Variants in FNDC3A observed in about 807,000 individuals in gnomAD.
FNDC3A encodes fibronectin type III domain containing 3A.
Under a neutral mutation model 148.9 loss-of-function variants are expected in FNDC3A, and 32 were observed. The observed-to-expected ratio is 0.21, with a 90% CI of 0.16 to 0.29. The LOEUF is 0.29. FNDC3A is among the 10% of genes least tolerant of loss of function. The pLI is 1.00. For missense variants in FNDC3A, 1,191 were observed against 1,452.8 expected (o/e 0.82, Z 2.93); for synonymous variants, 472 against 473.6 (o/e 1.00, Z 0.04).
chr13:49,157,973 T>G (rs1455440915), intron 8 of FNDC3A, among the ~76,000 whole-genome samples: 2 of 150,034 alleles, frequency 1.3e-5, no homozygotes, highest in Non-Finnish European at 3.0e-5. Flanking sequence ...GCTGTCTTTT[T>G]GTTTGTCTGT....
At chr13:49,204,662 G>A (rs550816505) in intron 25 of FNDC3A, among the ~76,000 whole-genome samples, 1 of 152,262 alleles carries the variant, frequency 6.6e-6, no homozygotes, top group African/African-American at 2.4e-5. Flanking sequence ...AAAGGAAATA[G>A]GGATTCCACA....
At chr13:49,043,452 AG>A (rs989464058) in intron 2 of FNDC3A, among the ~76,000 whole-genome samples, 7 of 152,264 alleles carry the variant, frequency 4.6e-5, no homozygotes, top group African/African-American at 1.7e-4. Flanking sequence ...TTAAATTGTT[AG>A]GTGCAGTGTT....
rs1952473517 is a variant in FNDC3A, at chr13:49,015,349, CT to C, written c.99+9061del. ...AAGTTGGATTCCTAGGTATTTTATT[CT>C]CTTTGAAGCAATAGTGAATGGGAGT... On this transcript the variant is annotated intron_variant, in intron 2 of 25. Transcript: ENST00000492622. Among the ~76,000 whole-genome samples, 2 of 152,120 alleles carry C rather than the reference CT, an allele frequency of 1.3e-5. 1 individual carries two copies.
intron 2 of FNDC3A, among the ~76,000 whole-genome samples, chr13:49,028,337 C>T (rs1014350004): frequency 6.6e-6 from 1 of 151,954 alleles, no homozygotes; most frequent in African/African-American, 2.4e-5. Context: ...TAGCCCTGAG[C>T]TCAAGTGATT....
intron 11 of FNDC3A, among the ~76,000 whole-genome samples, chr13:49,172,782 G>A (rs1409300530): frequency 6.6e-6 from 1 of 152,128 alleles, no homozygotes; most frequent in Non-Finnish European, 1.5e-5. Context: ...TATATTCACA[G>A]GTTCAGGGGA....
intron 3 of FNDC3A, among the ~76,000 whole-genome samples, chr13:49,103,124 C>T (rs113558864): frequency 7.2e-5 from 11 of 152,098 alleles, no homozygotes; most frequent in Admixed American, 2.6e-4. Flanking sequence ...TAATTATTTC[C>T]AGTTTACATG....
At chr13:49,198,922 G>A (rs930671798) in intron 23 of FNDC3A, among the ~76,000 whole-genome samples, 3 of 152,136 alleles carry the variant, frequency 2.0e-5, no homozygotes, top group South Asian at 4.1e-4. Flanking sequence ...GTGGGCTACT[G>A]TTTGGTTGTT....
At chr13:49,045,766 T>A in intron 2 of FNDC3A, 1 of 611,066 alleles carries the variant, frequency 1.6e-6, no homozygotes, top group Non-Finnish European at 2.8e-6. Context: ...TTTGACAGCA[T>A]AGCATCTGAT....
At chr13:49,150,236 G>A (rs1201201132) in intron 8 of FNDC3A, among the ~76,000 whole-genome samples, 3 of 151,634 alleles carry the variant, frequency 2.0e-5, no homozygotes, top group Admixed American at 2.0e-4. Flanking sequence ...ACTGCACCTG[G>A]CTGTCTGCTC....
chr13:49,011,333 A>G (rs1952340212), intron 2 of FNDC3A, among the ~76,000 whole-genome samples: 1 of 151,986 alleles, frequency 6.6e-6, no homozygotes, highest in South Asian at 2.1e-4. Context: ...TCCCAGGTTC[A>G]AGTGATTCTC....
intron 1 of FNDC3A, among the ~76,000 whole-genome samples, chr13:49,002,059 C>G (rs1161877926): frequency 6.6e-6 from 1 of 152,164 alleles, no homozygotes; most frequent in Non-Finnish European, 1.5e-5. Flanking sequence ...CTTTTGTACT[C>G]TGTCCTTTTA....
intron 5 of FNDC3A, among the ~76,000 whole-genome samples, chr13:49,135,920 T>C (rs755863768): frequency 3.3e-5 from 5 of 152,224 alleles, no homozygotes; most frequent in African/African-American, 4.8e-5. Context: ...GGCAGTGGTT[T>C]TCTTTTTACC....
At chr13:49,042,675 G>A (rs1046153525) in intron 2 of FNDC3A, among the ~76,000 whole-genome samples, 1 of 152,140 alleles carries the variant, frequency 6.6e-6, no homozygotes. Context: ...TACTTGGGTG[G>A]CTGAGGTGGG....
intron 2 of FNDC3A, among the ~76,000 whole-genome samples, chr13:49,013,572 A>G (rs577154082): frequency 5.3e-5 from 8 of 151,686 alleles, no homozygotes; most frequent in African/African-American, 1.2e-4. Flanking sequence ...ACGTGTATAC[A>G]TGTACATGTG....
At position 49,064,383 on chromosome 13, in the gene FNDC3A, A is replaced by G. The variant is rs1312296708; in HGVS notation, c.100-10906A>G. Among the ~76,000 whole-genome samples the G allele has an allele frequency of 4.2e-5, 6 of 141,904 alleles. No individual in the cohort carries two copies. In the East Asian group the frequency reaches 6.6e-4, roughly 16 times the overall value. 93.1% of individuals were successfully genotyped at this position (141,904 alleles called of 152,430 possible). A position where few individuals can be genotyped will look rare whatever the true frequency, so the allele number is the denominator to read the frequency against. On this transcript the variant is annotated intron_variant, in intron 2 of 25. Coordinates refer to ENST00000492622, the MANE Select transcript of FNDC3A (RefSeq NM_001079673.2). ...TGGAAAAAGAAGATTGCTGATAAAT[A>G]TAGAAATATTGCCCCCCGCCCCCCC...
At chr13:49,118,016 G>C (rs1411616717) in intron 4 of FNDC3A, among the ~76,000 whole-genome samples, 1 of 152,100 alleles carries the variant, frequency 6.6e-6, no homozygotes, top group East Asian at 1.9e-4. Context: ...CTTCCTGGAA[G>C]GATTATGTGA....
At chr13:49,075,719 T>C (rs555635234) in intron 3 of FNDC3A, among the ~76,000 whole-genome samples, 1 of 152,264 alleles carries the variant, frequency 6.6e-6, no homozygotes, top group Non-Finnish European at 1.5e-5. Flanking sequence ...GTTTTTCTAA[T>C]AGGCTTATTC....
chr13:49,088,468 C>T (rs1283139441), intron 3 of FNDC3A, among the ~76,000 whole-genome samples: 3 of 152,160 alleles, frequency 2.0e-5, no homozygotes, highest in African/African-American at 7.2e-5. Flanking sequence ...ACTACTACTA[C>T]TTCTAGATTG....
chr13:48,997,083 AC>A (rs1292862118), intron 1 of FNDC3A, among the ~76,000 whole-genome samples: 1 of 151,854 alleles, frequency 6.6e-6, no homozygotes, highest in Non-Finnish European at 1.5e-5. Context: ...AAAAAAAAAG[AC>A]ATTGGATATC....
Sources: allele counts gnomAD v4.1 joint callset (sites outside exome capture counted in the v4.1 genomes callset), GRCh38; gene constraint gnomAD v4.1.1; transcripts MANE v1.5; gene names NCBI Gene and HGNC (gene_info 2026-07-23, HGNC 2026-07-21).